The following CCSER1 variants were observed in gnomAD, a reference collection of about 807,000 sequenced individuals.
CCSER1 encodes serine-rich coiled-coil domain-containing protein 1.
Under a neutral mutation model 82.0 loss-of-function variants are expected in CCSER1, and 41 were observed. That is an observed-to-expected ratio of 0.50 (90% CI 0.39 to 0.65). CCSER1 has a LOEUF of 0.65. Ranked by LOEUF, CCSER1 falls within the 30% of genes least tolerant of loss-of-function variation. CCSER1 has a pLI of 0.00. For synonymous variants in CCSER1, 414 were observed against 383.9 expected, an observed-to-expected ratio of 1.08 and a Z score of -0.92; for missense variants, 1,119 against 1,064.2, an observed-to-expected ratio of 1.05 and a Z score of -0.72.
At chr4:90,664,768 C>T (rs925583865) in intron 6 of CCSER1, among the ~76,000 whole-genome samples, 10 of 152,036 alleles carry the variant, frequency 6.6e-5, no homozygotes, top group Admixed American at 6.6e-4. Flanking sequence ...GGAATGGTGG[C>T]ACATGCCTGT....
intron 10 of CCSER1, among the ~76,000 whole-genome samples, chr4:91,344,551 T>C (rs1351983539): frequency 6.6e-6 from 1 of 152,032 alleles, no homozygotes; most frequent in African/African-American, 2.4e-5. Flanking sequence ...GAGCTTCCTG[T>C]GGAAAAGTAA....
At chr4:91,238,534 G>T (rs1739195595) in intron 10 of CCSER1, among the ~76,000 whole-genome samples, 1 of 152,138 alleles carries the variant, frequency 6.6e-6, no homozygotes, top group Non-Finnish European at 1.5e-5. Flanking sequence ...CTCTAAAATG[G>T]TGGTAGTTTG....
At chr4:91,586,649 G>A (rs2110329203) in intron 10 of CCSER1, among the ~76,000 whole-genome samples, 1 of 151,876 alleles carries the variant, frequency 6.6e-6, no homozygotes, top group Non-Finnish European at 1.5e-5. Flanking sequence ...AAATTGCAGT[G>A]GGATGATGAA....
At position 91,600,364 on chromosome 4, in the gene CCSER1, T is replaced by C. The variant is rs948187614; in HGVS notation, c.*1307T>C. On this transcript the variant is annotated 3_prime_UTR_variant, in exon 11 of 11. Transcript: ENST00000509176. Reference sequence around the variant, plus strand: ...AAATAAATAATTTTTAAAAGACTAATAGGAATCAAGGCTGCAGTTTTCTTA... The same window carrying C: ...AAATAAATAATTTTTAAAAGACTAACAGGAATCAAGGCTGCAGTTTTCTTA... The C allele has an allele frequency of 6.6e-6, 1 of 152,152 alleles. No individual in the cohort carries two copies. Among genetic ancestry groups the C allele is most frequent in the Non-Finnish European group, 1.5e-5 (1 of 68,004 alleles). 9.4% of individuals were successfully genotyped at this position (152,152 alleles called of 1,614,324 possible).
chr4:91,400,922 A>G (rs1752277159), intron 10 of CCSER1, among the ~76,000 whole-genome samples: 1 of 151,926 alleles, frequency 6.6e-6, no homozygotes, highest in African/African-American at 2.4e-5. Context: ...GATTGCTGAC[A>G]TTGATGCCAT....
chr4:90,816,116 A>G (rs1758976547), intron 8 of CCSER1, among the ~76,000 whole-genome samples: 1 of 152,218 alleles, frequency 6.6e-6, no homozygotes, highest in African/African-American at 2.4e-5. Flanking sequence ...TGTATCTATC[A>G]GAAATCTTGA....
intron 6 of CCSER1, among the ~76,000 whole-genome samples, chr4:90,650,340 G>A (rs1040113): frequency 0.49 from 73,748 of 151,542 alleles, 18,302 homozygotes; most frequent in Middle Eastern, 0.63. Context: ...TAAGAATAAT[G>A]AAAAAAAAGA....
At chr4:91,313,252 T>A (rs1343283127) in intron 10 of CCSER1, among the ~76,000 whole-genome samples, 1 of 151,942 alleles carries the variant, frequency 6.6e-6, no homozygotes, top group African/African-American at 2.4e-5. Flanking sequence ...ATATTCTAAT[T>A]ATTTATTTTT....
At chr4:90,328,356 A>G (rs1474728968) in intron 3 of CCSER1, among the ~76,000 whole-genome samples, 1 of 151,100 alleles carries the variant, frequency 6.6e-6, no homozygotes, top group African/African-American at 2.4e-5. Context: ...TTTGATGTAT[A>G]TTGCTATTGT....
At chr4:90,243,062 CTTT>C (rs745465024) in intron 1 of CCSER1, among the ~76,000 whole-genome samples, 3 of 126,996 alleles carry the variant, frequency 2.4e-5, no homozygotes, top group Non-Finnish European at 1.6e-5. Flanking sequence ...CTCTCTCTCT[CTTT>C]TTTTTTTTTT....
chr4:90,485,726 G>A (rs2153601249), intron 5 of CCSER1, among the ~76,000 whole-genome samples: 1 of 152,118 alleles, frequency 6.6e-6, no homozygotes, highest in African/African-American at 2.4e-5. Flanking sequence ...AAGCCCCAGT[G>A]TGTGTTGTTC....
intron 10 of CCSER1, among the ~76,000 whole-genome samples, chr4:91,491,444 T>C (rs960335632): frequency 2.0e-5 from 3 of 152,078 alleles, no homozygotes; most frequent in African/African-American, 7.2e-5. Context: ...CTATACTCAT[T>C]ACCTCGGTAT....
intron 10 of CCSER1, among the ~76,000 whole-genome samples, chr4:91,414,262 A>G (rs1439828517): frequency 6.6e-6 from 1 of 152,178 alleles, no homozygotes; most frequent in Non-Finnish European, 1.5e-5. Flanking sequence ...AATATAAAAT[A>G]TGCAAAGTGT....
chr4:90,543,037 A>G (rs774161249), intron 5 of CCSER1, among the ~76,000 whole-genome samples: 3 of 152,144 alleles, frequency 2.0e-5, no homozygotes, highest in South Asian at 2.1e-4. Context: ...GGGCCCATAT[A>G]TTTACCTGAC....
intron 1 of CCSER1, among the ~76,000 whole-genome samples, chr4:90,303,549 G>T (rs1001018021): frequency 5.9e-5 from 9 of 151,994 alleles, no homozygotes; most frequent in African/African-American, 2.2e-4. Context: ...AAGCAATGGG[G>T]AAAGGATTCC....
intron 3 of CCSER1, among the ~76,000 whole-genome samples, chr4:90,358,693 A>G (rs1345802126): frequency 6.6e-6 from 1 of 152,146 alleles, no homozygotes; most frequent in African/African-American, 2.4e-5. Flanking sequence ...TGAAGATTAC[A>G]TTTGGGGGAG....
intron 1 of CCSER1, among the ~76,000 whole-genome samples, chr4:90,199,571 T>C (rs985789269): frequency 6.9e-6 from 1 of 144,004 alleles, no homozygotes; most frequent in Non-Finnish European, 1.5e-5. Context: ...TGTACATAAC[T>C]TACTCTTCCA....
intron 6 of CCSER1, among the ~76,000 whole-genome samples, chr4:90,699,160 A>G (rs1014867945): frequency 1.3e-5 from 2 of 152,132 alleles, no homozygotes; most frequent in Admixed American, 6.6e-5. Context: ...TTAGACTTCA[A>G]TGCAAAAGTG....
At chr4:91,554,964 G>A (rs1762334820) in intron 10 of CCSER1, among the ~76,000 whole-genome samples, 3 of 151,186 alleles carry the variant, frequency 2.0e-5, no homozygotes, top group Admixed American at 2.0e-4. Context: ...AAATGTTTTG[G>A]GGAGAACTGG....
Sources: allele counts gnomAD v4.1 joint callset (sites outside exome capture counted in the v4.1 genomes callset), GRCh38; gene constraint gnomAD v4.1.1; transcripts MANE v1.5; gene names NCBI Gene and HGNC (gene_info 2026-07-23, HGNC 2026-07-21).